Variants in WSB1 observed in about 807,000 individuals in gnomAD.
WSB1 encodes the protein WD repeat and SOCS box containing 1, also known as WD repeat and SOCS box-containing protein 1.
A neutral mutation model predicts 50.2 loss-of-function variants in WSB1; 23 were observed. The ratio of observed to expected loss-of-function variants is 0.46; its 90% CI spans 0.33 to 0.65. The LOEUF is 0.65. Among genes scored for constraint, WSB1 ranks in the 30% least tolerant of loss-of-function variants. The pLI, the probability that WSB1 is intolerant of heterozygous loss-of-function variation, is 0.02. For synonymous variants in WSB1, 179 were observed against 172.0 expected, an observed-to-expected ratio of 1.04 and a Z score of -0.32; for missense variants, 492 against 522.3, an observed-to-expected ratio of 0.94 and a Z score of 0.56.
intron 5 of WSB1, chr17:27,308,874 A>G: frequency 1.7e-6 from 2 of 1,153,440 alleles, no homozygotes; most frequent in Non-Finnish European, 2.1e-6. Context: ...GCTTATTTTT[A>G]AATTAACATT....
intron 1 of WSB1, among the ~76,000 whole-genome samples, 187 bp from the exon 2 acceptor site, chr17:27,301,601 G>A (rs1328706413): frequency 6.6e-6 from 1 of 152,062 alleles, no homozygotes; most frequent in Non-Finnish European, 1.5e-5. Flanking sequence ...TCAAAACTTG[G>A]AGATAGTCAT....
At chr17:27,302,069 C>T (rs1437959876) in intron 2 of WSB1, 113 bp downstream of exon 2, 28 of 1,275,540 alleles carry the variant, frequency 2.2e-5, no homozygotes, top group African/African-American at 3.1e-5. Context: ...TAGATGATGT[C>T]GTGAGTTTTA....
chr17:27,305,049 T>A (rs748266474), intron 4 of WSB1, 138 bp downstream of exon 4: 25 of 1,072,998 alleles, frequency 2.3e-5, no homozygotes, highest in Non-Finnish European at 3.2e-5. Context: ...ACACTTAGGT[T>A]CCTTTCCTGA....
At chr17:27,300,741 GTGCAGTGATGCAGTCT>G (rs1450532003) in intron 1 of WSB1, among the ~76,000 whole-genome samples, 5 of 150,594 alleles carry the variant, frequency 3.3e-5, no homozygotes, top group African/African-American at 1.2e-4. Flanking sequence ...CCAGGCTGGA[GTGCAGTGATGCAGTCT>G]TGGCTCACTG....
At position 27,314,219 on chromosome 17, in the gene WSB1, T is replaced by C. The variant is rs2017788257; in HGVS notation, c.*1850T>C. 6.6e-6 allele frequency: 1 copy of C among 152,190 alleles called. No homozygotes were observed. Among genetic ancestry groups the C allele is most frequent in the African/African-American group, 2.4e-5 (1 of 41,438 alleles). 9.4% of individuals were successfully genotyped at this position (152,190 alleles called of 1,614,324 possible). On this transcript the variant is annotated 3_prime_UTR_variant, in exon 9 of 9. Transcript: ENST00000262394. ...AAGAAGCACAAGAAGCATCTAATCT[T>C]TATACTTCTTGTGACTTTTTTTCCC...
intron 5 of WSB1, chr17:27,308,496 A>G (rs2150840696): frequency 1.8e-5 from 18 of 985,682 alleles, no homozygotes; most frequent in South Asian, 9.4e-5. Flanking sequence ...TTTTCATAAA[A>G]TAGCATTTTC....
At chr17:27,307,516 A>T in intron 5 of WSB1, 2 of 553,068 alleles carry the variant, frequency 3.6e-6, no homozygotes, top group Non-Finnish European at 6.3e-6. Flanking sequence ...AAGTCCAAAT[A>T]CATGTGATAA....
intron 1 of WSB1, among the ~76,000 whole-genome samples, chr17:27,295,541 TACAA>T (rs984058315): frequency 2.7e-5 from 4 of 147,142 alleles, no homozygotes; most frequent in East Asian, 2.0e-4. Flanking sequence ...TTTTTAAAGA[TACAA>T]ACACAGAAAA....
chr17:27,303,571 A>C lies in WSB1; in HGVS notation c.414A>C (p.Gln138His). 1 of 1,614,206 alleles carries C rather than the reference A, an allele frequency of 6.2e-7. No homozygotes were observed. ...AATGGCATCGCTTCAGATTTGGACA[A>C]GATCAGCTACTTCTTGCTACAGGGT... is the stretch of plus-strand genomic sequence containing the variant. ...NIEWHRFRFG[Q>H]DQLLLATGLN... is the part of the protein sequence containing the mutation. Residue 138 changes from glutamine (Q) to histidine (H), a missense_variant, in exon 3 of 9, where the codon CAA (glutamine) becomes CAC (histidine). Coordinates refer to ENST00000262394, the MANE Select transcript of WSB1 (RefSeq NM_015626.10).
chr17:27,301,408 C>T (rs1482186717), intron 1 of WSB1, among the ~76,000 whole-genome samples: 3 of 152,100 alleles, frequency 2.0e-5, no homozygotes, highest in African/African-American at 7.2e-5. Context: ...CTTTTCCTGC[C>T]AACTAAGTTT....
chr17:27,306,355 G>T (rs182844499), intron 4 of WSB1, among the ~76,000 whole-genome samples: 3 of 151,896 alleles, frequency 2.0e-5, no homozygotes, highest in Non-Finnish European at 2.9e-5. Context: ...TAGGATTACC[G>T]GCATGCGCCA....
intron 2 of WSB1, 169 bp from the exon 3 acceptor site, chr17:27,303,198 T>C: frequency 2.9e-6 from 2 of 691,124 alleles, no homozygotes; most frequent in Non-Finnish European, 4.5e-6. Flanking sequence ...TGTCCTTCTC[T>C]CGTAGTTCAA....
At chr17:27,307,820 G>C (rs2017520324) in intron 5 of WSB1, 1 of 1,517,534 alleles carries the variant, frequency 6.6e-7, no homozygotes, top group Non-Finnish European at 8.8e-7. Context: ...TGTTAGCTGG[G>C]CAGAAAGAGT....
chr17:27,303,503 G>T lies in WSB1; in HGVS notation c.346G>T (p.Gly116Trp), dbSNP rs369959782. 63 of 1,614,004 alleles carry T rather than the reference G, an allele frequency of 3.9e-5. No homozygotes were observed. Among genetic ancestry groups the T allele is most frequent in the Middle Eastern group, 3.3e-4 (2 of 6,084 alleles). ...AGATATAGTCTGGAGTCTTGCTTTT[G>T]GGTCATCAGTTCCAGAAAAACAGAG... is the stretch of plus-strand genomic sequence containing the variant. ...CGDIVWSLAF[G>W]SSVPEKQSRC... is the part of the protein sequence containing the mutation. Residue 116 changes from glycine (G) to tryptophan (W), a missense_variant, in exon 3 of 9, where the codon GGG (glycine) becomes TGG (tryptophan). Physicochemically the swap from Gly to Trp is radical, Grantham distance 184. Transcript: ENST00000262394.
At chr17:27,309,504 G>A (rs1169801864) in intron 6 of WSB1, among the ~76,000 whole-genome samples, 2 of 152,058 alleles carry the variant, frequency 1.3e-5, no homozygotes, top group African/African-American at 2.4e-5. Flanking sequence ...CTCTATAGAA[G>A]TACTAATTAT....
At chr17:27,311,647 T>C in intron 8 of WSB1, 31 bp downstream of exon 8, 1 of 1,460,274 alleles carries the variant, frequency 6.8e-7, no homozygotes. Context: ...TTTTTTTTTT[T>C]TTTTTTTTTT....
In WSB1 at chr17:27,313,645, A is replaced by T. The variant is rs2017776239; in HGVS notation, c.*1276A>T. ...AAAAAAAAAAAACAGTATATTGCAA[A>T]TGTTTCTTAAATAGGTTAGGTGGAG... On this transcript the variant is annotated 3_prime_UTR_variant, in exon 9 of 9. Coordinates refer to ENST00000262394, the MANE Select transcript of WSB1 (RefSeq NM_015626.10). 1 of 152,342 alleles carries T rather than the reference A, an allele frequency of 6.6e-6. No individual in the cohort carries two copies. The highest frequency in any genetic ancestry group is 1.5e-5 in the Non-Finnish European group (1 of 68,014). The allele number at this position is 152,342 out of a possible 1,614,324, so 9.4% of individuals were successfully genotyped here. A position where few individuals can be genotyped will look rare whatever the true frequency, so the allele number is the denominator to read the frequency against.
rs142949229 is a variant in WSB1 at position 27,311,633 on chromosome 17, CTTTTTTTTTT to C, written c.1106+34_1106+43del. On this transcript the variant is annotated intron_variant, in intron 8 of 8. Transcript: ENST00000262394. Reference sequence around the variant, plus strand: ...AGCTGCTGGGTAAATATATTTTTCTCTTTTTTTTTTTTTTTTTTTTTTTTTTGAGATGTAG... The same window carrying C: ...AGCTGCTGGGTAAATATATTTTTCTCTTTTTTTTTTTTTTTTGAGATGTAG... The C allele has an allele frequency of 1.9e-4, 93 of 491,110 alleles. 1 individual carries two copies. The highest frequency in any genetic ancestry group is 4.9e-4 in the East Asian group (9 of 18,350). 30.4% of individuals were successfully genotyped at this position (491,110 alleles called of 1,614,324 possible). A position where few individuals can be genotyped will look rare whatever the true frequency, so the allele number is the denominator to read the frequency against.
chr17:27,307,985 C>G, intron 5 of WSB1: 1 of 1,245,420 alleles, frequency 8.0e-7, no homozygotes, highest in Non-Finnish European at 1.0e-6. Flanking sequence ...GTAATTTCCC[C>G]CACAGTAAAA....
Sources: allele counts gnomAD v4.1 joint callset (sites outside exome capture counted in the v4.1 genomes callset), GRCh38; gene constraint gnomAD v4.1.1; transcripts MANE v1.5; gene names NCBI Gene and HGNC (gene_info 2026-07-23, HGNC 2026-07-21).